Variants in SETD3 observed in about 807,000 individuals in gnomAD.
The protein encoded by SETD3 is SET domain containing 3, actin N3(tau)-histidine methyltransferase, also known as actin-histidine N-methyltransferase.
SETD3 carries 19 observed loss-of-function variants against 63.0 expected under a neutral mutation model. The observed-to-expected ratio is 0.30, with a 90% CI of 0.21 to 0.44. The LOEUF (loss-of-function observed/expected upper bound fraction) is 0.44. SETD3 is among the 20% of genes least tolerant of loss of function. The pLI is 1.00. For synonymous variants in SETD3, 286 were observed against 264.1 expected, an observed-to-expected ratio of 1.08 and a Z score of -0.80; for missense variants, 587 against 728.5, an observed-to-expected ratio of 0.81 and a Z score of 2.24.
intron 2 of SETD3, among the ~76,000 whole-genome samples, chr14:99,465,153 G>A (rs1895296362): frequency 6.6e-6 from 1 of 152,092 alleles, no homozygotes; most frequent in Non-Finnish European, 1.5e-5. Flanking sequence ...AAAAAAATCA[G>A]AAGCACTGTT....
At chr14:99,468,615 C>T (rs1895526656) in intron 1 of SETD3, among the ~76,000 whole-genome samples, 1 of 150,482 alleles carries the variant, frequency 6.6e-6, no homozygotes, top group Non-Finnish European at 1.5e-5. Flanking sequence ...CCTCTACAGA[C>T]GTCATCATGT....
chr14:99,415,104 T>C (rs1892220854), intron 6 of SETD3, among the ~76,000 whole-genome samples: 1 of 152,264 alleles, frequency 6.6e-6, no homozygotes, highest in South Asian at 2.1e-4. Context: ...AATTAAGTGT[T>C]AGTTTTGCTA....
intron 1 of SETD3, among the ~76,000 whole-genome samples, chr14:99,469,884 C>T (rs758829098): frequency 1.2e-4 from 18 of 152,248 alleles, no homozygotes; most frequent in Non-Finnish European, 1.9e-4. Flanking sequence ...CACAACCAGT[C>T]CTTCCCCCAG....
intron 6 of SETD3, among the ~76,000 whole-genome samples, chr14:99,443,254 C>CTTTTTTTTTT (rs1566713804): frequency 7.0e-6 from 1 of 143,592 alleles, no homozygotes; most frequent in African/African-American, 2.7e-5. Flanking sequence ...TCTGAACTCC[C>CTTTTTTTTTT]ATTTTTTTTT....
upstream of SETD3, among the ~76,000 whole-genome samples, chr14:99,483,471 G>C (rs1230649463): frequency 2.0e-5 from 3 of 152,174 alleles, no homozygotes; most frequent in African/African-American, 7.2e-5. Flanking sequence ...GATCACTTGA[G>C]TCTGAGAGAT....
chr14:99,451,679 G>A (rs1021156893), intron 6 of SETD3, among the ~76,000 whole-genome samples: 11 of 151,750 alleles, frequency 7.2e-5, no homozygotes, highest in Non-Finnish European at 1.5e-4. Flanking sequence ...GCTATTTTTT[G>A]TATTTTTAGT....
At chr14:99,424,318 T>G in intron 6 of SETD3, among the ~76,000 whole-genome samples, 1 of 152,104 alleles carries the variant, frequency 6.6e-6, no homozygotes, top group Non-Finnish European at 1.5e-5. Context: ...CAGAAAAGCC[T>G]GGAGATTCAG....
At chr14:99,402,724 G>A (rs546368940) in intron 11 of SETD3, among the ~76,000 whole-genome samples, 5 of 152,304 alleles carry the variant, frequency 3.3e-5, no homozygotes, top group South Asian at 2.1e-4. Flanking sequence ...CTAGAGGCAC[G>A]TGCTACCACG....
intron 8 of SETD3, 174 bp downstream of exon 8, chr14:99,412,777 T>C (rs1040207204): frequency 6.3e-5 from 36 of 573,198 alleles, no homozygotes; most frequent in Middle Eastern, 4.7e-4. Flanking sequence ...AAAAGAAAAA[T>C]ACCAGCTTCT....
chr14:99,449,673 A>G (rs778414558), intron 6 of SETD3, among the ~76,000 whole-genome samples: 3 of 152,214 alleles, frequency 2.0e-5, no homozygotes, highest in Admixed American at 6.5e-5. Flanking sequence ...CTGGAAGGGA[A>G]AAAAGGGCAT....
At chr14:99,413,997 C>A in intron 6 of SETD3, 63 bp from the exon 7 acceptor site, 1 of 1,464,960 alleles carries the variant, frequency 6.8e-7, no homozygotes, top group Non-Finnish European at 9.6e-7. Context: ...AGAAATCAGT[C>A]AGCAGAATTT....
At chr14:99,469,192 G>A (rs920527408) in intron 1 of SETD3, among the ~76,000 whole-genome samples, 1 of 152,210 alleles carries the variant, frequency 6.6e-6, no homozygotes, top group African/African-American at 2.4e-5. Context: ...CTCTTAGAAT[G>A]AGTAACAAAC....
At chr14:99,429,072 T>A (rs1893035523) in intron 6 of SETD3, among the ~76,000 whole-genome samples, 2 of 152,204 alleles carry the variant, frequency 1.3e-5, no homozygotes. Context: ...ATATGACTAT[T>A]AGTCAAGATG....
At chr14:99,485,406 C>T (rs1896460025), upstream of SETD3, among the ~76,000 whole-genome samples, 1 of 152,128 alleles carries the variant, frequency 6.6e-6, no homozygotes. Flanking sequence ...TTTTTAGTTA[C>T]TTCCTCCCCC....
chr14:99,403,382 C>T lies in SETD3; in HGVS notation c.1177+843G>A, dbSNP rs373673926. 9.2e-5 allele frequency among the ~76,000 whole-genome samples: 14 copies of T among 152,182 alleles called. No individual in the cohort carries two copies. The East Asian group carries it at 1.2e-3, about 13-fold the overall frequency. ...TCAAACACTCATTTACTCATTCCTA[C>T]TCAGACTGTTCTGTACAGGATTTAA... On this transcript the variant is annotated intron_variant, in intron 11 of 12. Transcript: ENST00000331768.
chr14:99,455,204 G>T (rs948717368), intron 6 of SETD3, among the ~76,000 whole-genome samples: 6 of 152,124 alleles, frequency 3.9e-5, no homozygotes, highest in African/African-American at 9.7e-5. Context: ...AGGAATACCC[G>T]GCCCAGGGGC....
chr14:99,450,626 AG>A (rs1226478214), intron 6 of SETD3, among the ~76,000 whole-genome samples: 2 of 152,204 alleles, frequency 1.3e-5, no homozygotes, highest in African/African-American at 4.8e-5. Context: ...AGGCAGGAAA[AG>A]GGGGAGGCTG....
At chr14:99,456,382 G>A (rs1049534910) in intron 6 of SETD3, among the ~76,000 whole-genome samples, 3 of 152,076 alleles carry the variant, frequency 2.0e-5, no homozygotes, top group Admixed American at 6.5e-5. Flanking sequence ...ATATTTGATC[G>A]TCGTTGACTA....
Position 99,461,200 on chromosome 14 carries a change from C to A in SETD3, c.337G>T (p.Asp113Tyr). The A allele has an allele frequency of 6.2e-7, 1 of 1,613,902 alleles. No individual in the cohort carries two copies. The highest frequency in any genetic ancestry group is 8.5e-7 in the Non-Finnish European group (1 of 1,179,938). The change falls in exon 4 of 13, where the codon GAT (aspartate) becomes TAT (tyrosine). Residue 113 changes from aspartate (D) to tyrosine (Y), a missense_variant. Physicochemically the swap from Asp to Tyr is radical, Grantham distance 160 (BLOSUM62 -3). Coordinates refer to ENST00000331768, the MANE Select transcript of SETD3 (RefSeq NM_032233.3). ...EEGFGLRATR[D>Y]IKAEELFLWV... ...ACATTTTATAAACTCACCTTGATATCTCTTGTTGCTCTCAAACCAAAGCCC... is the reference window on the plus strand; with the variant it reads ...ACATTTTATAAACTCACCTTGATATATCTTGTTGCTCTCAAACCAAAGCCC...
Sources: gnomAD v4.1 joint callset for allele counts (sites outside exome capture counted in the v4.1 genomes callset) on GRCh38, gnomAD v4.1.1 for gene constraint, MANE v1.5 for transcripts, NCBI Gene and HGNC (gene_info 2026-07-23, HGNC 2026-07-21) for gene names.